NARS2: variants seen among roughly 807,000 people sequenced by gnomAD.
NARS2 encodes asparaginyl-tRNA synthetase.
Under a neutral mutation model 62.9 loss-of-function variants are expected in NARS2, and 60 were observed. The observed-to-expected ratio is 0.95, with a 90% CI of 0.77 to 1.18. The LOEUF (loss-of-function observed/expected upper bound fraction) is 1.18, where lower values mean the gene tolerates loss of function less well. NARS2 is among the 50% of genes most tolerant of loss of function. The probability of loss-of-function intolerance (pLI) is 0.00; values close to 1 mark genes in which losing one functional copy is unlikely to be tolerated. For synonymous variants in NARS2, 196 were observed against 200.0 expected, an observed-to-expected ratio of 0.98 and a Z score of 0.17; for missense variants, 619 against 576.4, an observed-to-expected ratio of 1.07 and a Z score of -0.76.
rs768162687 is a variant in NARS2, at chr11:78,528,952, A to G, written c.595-16T>C. 5 of 1,528,252 alleles carry G rather than the reference A, an allele frequency of 3.3e-6. No homozygotes were observed. In the South Asian group the frequency reaches 4.5e-5, roughly 14 times the overall value. The allele number at this position is 1,528,252 out of a possible 1,614,324, so 94.7% of individuals were successfully genotyped here. ...TGCCTGAAGGCTGCAAATCAAAAAC[A>G]TAAGCCACAAAAAACTATTAAATGT... On this transcript the variant is annotated splice_polypyrimidine_tract_variant and intron_variant, in intron 5 of 13. Coordinates refer to ENST00000281038, the MANE Select transcript of NARS2 (RefSeq NM_024678.6).
intron 6 of NARS2, among the ~76,000 whole-genome samples, chr11:78,502,839 C>T (rs1353206619): frequency 6.6e-6 from 1 of 151,802 alleles, no homozygotes; most frequent in African/African-American, 2.4e-5. Flanking sequence ...ACTAAAAATA[C>T]AAAAATTAGC....
intron 11 of NARS2, among the ~76,000 whole-genome samples, chr11:78,463,542 T>A (rs1281353883): frequency 1.3e-5 from 2 of 151,774 alleles, no homozygotes; most frequent in African/African-American, 2.4e-5. Context: ...AAAAATCTGA[T>A]GGGTGTGGCG....
intron 9 of NARS2, among the ~76,000 whole-genome samples, chr11:78,474,366 A>T (rs898494244): frequency 2.0e-5 from 3 of 152,186 alleles, no homozygotes; most frequent in Non-Finnish European, 4.4e-5. Context: ...TCCATAAAAA[A>T]ATAAATCAAT....
chr11:78,524,421 A>C (rs115800656), intron 6 of NARS2, among the ~76,000 whole-genome samples: 2,026 of 152,200 alleles, frequency 0.013, 47 homozygotes, highest in African/African-American at 0.045. Flanking sequence ...CATCAGTTTT[A>C]ACCTAAAATA....
At chr11:78,444,553 T>G (rs1857685181) in intron 11 of NARS2, among the ~76,000 whole-genome samples, 1 of 151,876 alleles carries the variant, frequency 6.6e-6, no homozygotes, top group African/African-American at 2.4e-5. Context: ...CCCCCGTCTC[T>G]ACTAAAATAC....
intron 7 of NARS2, among the ~76,000 whole-genome samples, chr11:78,482,815 A>G (rs776212447): frequency 6.6e-6 from 1 of 152,198 alleles, no homozygotes; most frequent in Admixed American, 6.5e-5. Context: ...CAGAGGTACA[A>G]AGAGGAGCTA....
At chr11:78,514,496 T>C (rs1860834366) in intron 6 of NARS2, among the ~76,000 whole-genome samples, 1 of 152,238 alleles carries the variant, frequency 6.6e-6, no homozygotes, top group South Asian at 2.1e-4. Flanking sequence ...TTTTAGAGAA[T>C]ATCAACAGGC....
rs1161763456 is a variant in NARS2 at position 78,455,932 on chromosome 11, C to A, written c.1164+9944G>T. Among the ~76,000 whole-genome samples, 3 of 151,824 alleles carry A rather than the reference C, an allele frequency of 2.0e-5. No homozygotes were observed. The East Asian group carries it at 5.8e-4, about 29-fold the overall frequency. ...TTTGAATGTTTTAACGTTATGCTTG[C>A]CACACGGGTACTCAATAATAGATGT... On this transcript the variant is annotated intron_variant, in intron 11 of 13. Transcript: ENST00000281038.
chr11:78,551,458 T>C (rs971385583), intron 5 of NARS2, among the ~76,000 whole-genome samples: 1 of 152,240 alleles, frequency 6.6e-6, no homozygotes, highest in Non-Finnish European at 1.5e-5. Flanking sequence ...CCATGGTATA[T>C]GTGATGTGTC....
intron 6 of NARS2, among the ~76,000 whole-genome samples, chr11:78,502,602 C>T (rs1210163772): frequency 2.0e-5 from 3 of 152,114 alleles, no homozygotes; most frequent in Non-Finnish European, 4.4e-5. Flanking sequence ...TTTGGGGTGA[C>T]GGAAATGTTC....
chr11:78,468,464 T>A (rs1156558076), intron 10 of NARS2, among the ~76,000 whole-genome samples: 1 of 150,600 alleles, frequency 6.6e-6, no homozygotes, highest in East Asian at 1.9e-4. Flanking sequence ...TGGAATGCAG[T>A]GGTGATCTCT....
In NARS2 at chr11:78,493,199, C is replaced by T. The variant is rs759239379; in HGVS notation, c.690-4G>A. The T allele has an allele frequency of 2.7e-5, 43 of 1,609,752 alleles. No individual in the cohort carries two copies. The highest frequency in any genetic ancestry group is 3.3e-4 in the Middle Eastern group (2 of 6,066). ...GGTAAACACTTGAGTAAAAGCTCTGCAATTCAAGATTAAGAGAATGCAAAT... is the reference window on the plus strand; with the variant it reads ...GGTAAACACTTGAGTAAAAGCTCTGTAATTCAAGATTAAGAGAATGCAAAT... On this transcript the variant is annotated splice_region_variant and splice_polypyrimidine_tract_variant and intron_variant, in intron 6 of 13. Transcript: ENST00000281038.
At chr11:78,547,892 T>A (rs573443331) in intron 5 of NARS2, among the ~76,000 whole-genome samples, 20 of 151,114 alleles carry the variant, frequency 1.3e-4, no homozygotes, top group Non-Finnish European at 2.7e-4. Context: ...AACTGGTAAG[T>A]AAGAAATCAT....
intron 11 of NARS2, among the ~76,000 whole-genome samples, chr11:78,461,877 C>T (rs966786735): frequency 5.9e-5 from 9 of 151,732 alleles, no homozygotes; most frequent in South Asian, 2.1e-4. Flanking sequence ...TGCTTGAACC[C>T]GGGAGACAGA....
chr11:78,553,007 G>A (rs779602315), intron 5 of NARS2, among the ~76,000 whole-genome samples: 2 of 152,176 alleles, frequency 1.3e-5, no homozygotes, highest in Non-Finnish European at 2.9e-5. Context: ...TGGTAGTTCT[G>A]CTTTTAGCTC....
At chr11:78,494,722 G>T (rs1428129903) in intron 6 of NARS2, among the ~76,000 whole-genome samples, 2 of 152,082 alleles carry the variant, frequency 1.3e-5, no homozygotes, top group Non-Finnish European at 2.9e-5. Flanking sequence ...TTTCTTCCAA[G>T]ATTCAGCTAC....
At chr11:78,481,138 T>TA (rs1265371277) in intron 7 of NARS2, among the ~76,000 whole-genome samples, 3 of 152,012 alleles carry the variant, frequency 2.0e-5, no homozygotes, top group African/African-American at 7.3e-5. Flanking sequence ...TTATTTCATG[T>TA]AAAAAATATA....
At chr11:78,517,257 G>C (rs1860948192) in intron 6 of NARS2, among the ~76,000 whole-genome samples, 2 of 152,188 alleles carry the variant, frequency 1.3e-5, no homozygotes, top group Non-Finnish European at 2.9e-5. Flanking sequence ...AAACAGGAAG[G>C]TTGGTAGTAC....
intron 7 of NARS2, among the ~76,000 whole-genome samples, chr11:78,487,395 G>A (rs1407501841): frequency 6.7e-6 from 1 of 150,016 alleles, no homozygotes; most frequent in African/African-American, 2.4e-5. Flanking sequence ...GAGAGAGAGA[G>A]AGAAAGAAAG....
Sources: allele counts gnomAD v4.1 joint callset (sites outside exome capture counted in the v4.1 genomes callset), GRCh38; gene constraint gnomAD v4.1.1; transcripts MANE v1.5; gene names NCBI Gene and HGNC (gene_info 2026-07-23, HGNC 2026-07-21).